The following TLE4 variants were observed in gnomAD, a reference collection of about 807,000 sequenced individuals.
TLE4 encodes TLE family member 4, transcriptional corepressor.
TLE4 carries 8 observed loss-of-function variants against 92.8 expected under a neutral mutation model. The ratio of observed to expected loss-of-function variants is 0.09; its 90% CI spans 0.05 to 0.16. The LOEUF (loss-of-function observed/expected upper bound fraction) is 0.16. Among genes scored for constraint, TLE4 ranks in the 10% least tolerant of loss-of-function variants. The pLI, the probability that TLE4 is intolerant of heterozygous loss-of-function variation, is 1.00. For synonymous variants in TLE4, 371 were observed against 374.1 expected (o/e 0.99, Z 0.10); for missense variants, 675 against 997.6 (o/e 0.68, Z 4.36).
At chr9:79,580,948 A>G (rs151019295) in intron 4 of TLE4, among the ~76,000 whole-genome samples, 1 of 152,322 alleles carries the variant, frequency 6.6e-6, no homozygotes, top group Non-Finnish European at 1.5e-5. Context: ...TGATGTCTGC[A>G]TAAACTTCAG....
intron 14 of TLE4, among the ~76,000 whole-genome samples, chr9:79,712,565 ATG>A (rs2073592050): frequency 6.6e-6 from 1 of 152,234 alleles, no homozygotes. Flanking sequence ...TATAAAAGTT[ATG>A]TGTCTCTGTT....
intron 8 of TLE4, among the ~76,000 whole-genome samples, chr9:79,682,535 G>A (rs931542437): frequency 1.3e-5 from 2 of 152,098 alleles, no homozygotes; most frequent in African/African-American, 4.8e-5. Flanking sequence ...GCATTCCTGT[G>A]AGGGGCCTGC....
chr9:79,652,514 T>G, intron 6 of TLE4, 79 bp from the exon 7 acceptor site: 1 of 1,530,038 alleles, frequency 6.5e-7, no homozygotes, highest in South Asian at 1.1e-5. Flanking sequence ...TGCCGATTTA[T>G]GCCTCCTTTC....
intron 8 of TLE4, among the ~76,000 whole-genome samples, chr9:79,694,097 G>T (rs1480891386): frequency 1.3e-5 from 2 of 152,194 alleles, no homozygotes; most frequent in Non-Finnish European, 2.9e-5. Flanking sequence ...ATTGACAGAG[G>T]TATTGCTGGC....
At chr9:79,705,319 GA>G (rs2071222413) in intron 9 of TLE4, among the ~76,000 whole-genome samples, 1 of 152,244 alleles carries the variant, frequency 6.6e-6, no homozygotes, top group Non-Finnish European at 1.5e-5. Context: ...AACATGGAGA[GA>G]CATCCAAGAT....
chr9:79,606,439 A>G (rs1249390914), intron 4 of TLE4, among the ~76,000 whole-genome samples: 1 of 147,690 alleles, frequency 6.8e-6, no homozygotes, highest in Non-Finnish European at 1.5e-5. Flanking sequence ...CAGGTTTGTT[A>G]CATAGGTATA....
At chr9:79,679,902 GGTTT>G (rs1433437813) in intron 8 of TLE4, among the ~76,000 whole-genome samples, 1 of 152,038 alleles carries the variant, frequency 6.6e-6, no homozygotes, top group Admixed American at 6.6e-5. Flanking sequence ...GTTTTTCTCA[GGTTT>G]GTCAAAGATC....
chr9:79,679,295 C>CT (rs1324584028), intron 8 of TLE4, among the ~76,000 whole-genome samples: 2 of 151,964 alleles, frequency 1.3e-5, no homozygotes, highest in South Asian at 4.1e-4. Context: ...TGTTTCCTGA[C>CT]TTTAATGATC....
At position 79,720,303 on chromosome 9, in the gene TLE4, C is replaced by T. The variant is rs1279364872; in HGVS notation, c.1838+10C>T. ...ACCAGACCTTGGTGAGGTAGGTTAG[C>T]AGGATCTGTTACCAGGTTGTGAGGA... On this transcript the variant is annotated intron_variant, in intron 16 of 19. Transcript: ENST00000376552. 1 of 1,603,992 alleles carries T rather than the reference C, an allele frequency of 6.2e-7. No individual in the cohort carries two copies. Among genetic ancestry groups the T allele is most frequent in the East Asian group, 2.2e-5 (1 of 44,636 alleles).
At chr9:79,576,255 T>C in intron 4 of TLE4, 78 bp downstream of exon 4, 1 of 1,135,100 alleles carries the variant, frequency 8.8e-7, no homozygotes, top group Non-Finnish European at 1.2e-6. Flanking sequence ...TGTTTTGCAG[T>C]TTTATTCTGC....
chr9:79,667,506 A>G (rs2134695065), intron 8 of TLE4, among the ~76,000 whole-genome samples: 1 of 152,354 alleles, frequency 6.6e-6, no homozygotes, highest in African/African-American at 2.4e-5. Context: ...ACATACATAT[A>G]CACATATATA....
At chr9:79,626,809 C>G (rs1336531881) in intron 5 of TLE4, among the ~76,000 whole-genome samples, 1 of 152,032 alleles carries the variant, frequency 6.6e-6, no homozygotes, top group Admixed American at 6.6e-5. Flanking sequence ...AACTTGAGTT[C>G]TATGTTTTTG....
At chr9:79,700,895 G>A (rs1235934481) in intron 8 of TLE4, among the ~76,000 whole-genome samples, 4 of 152,092 alleles carry the variant, frequency 2.6e-5, no homozygotes, top group African/African-American at 9.7e-5. Flanking sequence ...AGAAAGACTT[G>A]TGTTTAATCC....
intron 12 of TLE4, 121 bp from the exon 13 acceptor site, chr9:79,708,472 T>A (rs893918084): frequency 8.6e-7 from 1 of 1,168,530 alleles, no homozygotes; most frequent in Non-Finnish European, 1.2e-6. Flanking sequence ...CTTGAATGAC[T>A]TTTGAGAATA....
intron 16 of TLE4, among the ~76,000 whole-genome samples, chr9:79,721,148 G>T (rs948556407): frequency 3.3e-5 from 5 of 152,240 alleles, no homozygotes; most frequent in Admixed American, 6.5e-5. Context: ...AGCCTCTTAT[G>T]AGAAGCTGCT....
intron 4 of TLE4, among the ~76,000 whole-genome samples, chr9:79,582,550 T>G (rs1400909498): frequency 6.6e-6 from 1 of 152,104 alleles, no homozygotes; most frequent in African/African-American, 2.4e-5. Flanking sequence ...TTTTTTTTCT[T>G]GTGTTATAAG....
chr9:79,719,865 A>T (rs1053818885), intron 15 of TLE4, among the ~76,000 whole-genome samples, 181 bp from the exon 16 acceptor site: 2 of 152,210 alleles, frequency 1.3e-5, no homozygotes, highest in Non-Finnish European at 2.9e-5. Flanking sequence ...TTGTAGATCA[A>T]CTTTAAGTAC....
intron 6 of TLE4, among the ~76,000 whole-genome samples, chr9:79,635,000 G>T (rs1421906733): frequency 3.3e-5 from 5 of 152,174 alleles, no homozygotes; most frequent in Admixed American, 1.3e-4. Flanking sequence ...TGGGATTGCT[G>T]AGTTACATGG....
At chr9:79,573,598 A>AC in intron 1 of TLE4, 91 bp from the exon 2 acceptor site, 7 of 1,087,494 alleles carry the variant, frequency 6.4e-6, no homozygotes, top group Non-Finnish European at 7.8e-6. Context: ...GATGACCCTC[A>AC]CCCCCCGCTA....
Sources: allele counts gnomAD v4.1 joint callset (sites outside exome capture counted in the v4.1 genomes callset), GRCh38; gene constraint gnomAD v4.1.1; transcripts MANE v1.5; gene names NCBI Gene and HGNC (gene_info 2026-07-23, HGNC 2026-07-21).